RAD51B: variants seen among roughly 807,000 people sequenced by gnomAD.
RAD51B encodes the protein RAD51 paralog B.
A neutral mutation model predicts 42.2 loss-of-function variants in RAD51B; 38 were observed. The ratio of observed to expected loss-of-function variants is 0.90; its 90% CI spans 0.70 to 1.18. The LOEUF (loss-of-function observed/expected upper bound fraction) is 1.18. RAD51B is among the 50% of genes most tolerant of loss of function. The pLI is 0.00. For missense variants in RAD51B, 373 were observed against 400.7 expected (o/e 0.93, Z 0.59); for synonymous variants, 154 against 145.2 (o/e 1.06, Z -0.43).
chr14:67,897,651 C>CTT (rs869311369), intron 7 of RAD51B, among the ~76,000 whole-genome samples: 5 of 141,498 alleles, frequency 3.5e-5, no homozygotes, highest in Admixed American at 7.1e-5. Flanking sequence ...CCCTTGTTCA[C>CTT]TTTTTTTTTT....
chr14:68,334,221 C>CT (rs2082403050), intron 8 of RAD51B, among the ~76,000 whole-genome samples: 1 of 152,052 alleles, frequency 6.6e-6, no homozygotes, highest in Non-Finnish European at 1.5e-5. Context: ...TTCTCCAAAA[C>CT]TTTATTAGCC....
At chr14:67,854,498 G>A (rs1471458694) in intron 4 of RAD51B, among the ~76,000 whole-genome samples, 1 of 151,768 alleles carries the variant, frequency 6.6e-6, no homozygotes, top group East Asian at 1.9e-4. Flanking sequence ...GCTGGGTGTG[G>A]TGGCATGCGC....
chr14:68,459,045 G>A (rs2085775830), intron 9 of RAD51B, among the ~76,000 whole-genome samples: 1 of 152,196 alleles, frequency 6.6e-6, no homozygotes, highest in Admixed American at 6.5e-5. Context: ...ACTACAGACT[G>A]GGAGTTGGAC....
At chr14:68,537,739 C>T (rs553652613) in intron 10 of RAD51B, among the ~76,000 whole-genome samples, 1 of 152,238 alleles carries the variant, frequency 6.6e-6, no homozygotes, top group East Asian at 1.9e-4. Context: ...CACATATATG[C>T]TCCCTTTGAT....
intron 7 of RAD51B, among the ~76,000 whole-genome samples, chr14:68,256,986 A>G (rs1386379943): frequency 6.6e-6 from 1 of 152,246 alleles, no homozygotes; most frequent in African/African-American, 2.4e-5. Context: ...AAAGGAATAA[A>G]ATCTGTAATT....
At position 67,946,354 on chromosome 14, in the gene RAD51B, T is replaced by G. The variant is rs549505049; in HGVS notation, c.756+59150T>G. Among the ~76,000 whole-genome samples, 4 of 151,874 alleles carry G rather than the reference T, an allele frequency of 2.6e-5. No homozygotes were observed. In the East Asian group the frequency reaches 5.8e-4, roughly 22 times the overall value. ...CATCCCTGGTTAAAATAGTTCCTCT[T>G]TTTTGTTGTTGTTGTTGTTGTTGTT... is the stretch of plus-strand genomic sequence containing the variant. On this transcript the variant is annotated intron_variant, in intron 7 of 10. Transcript: ENST00000471583.
At chr14:68,386,789 G>C (rs1375647422) in intron 8 of RAD51B, among the ~76,000 whole-genome samples, 1 of 152,180 alleles carries the variant, frequency 6.6e-6, no homozygotes, top group East Asian at 1.9e-4. Context: ...GAAGGTGATT[G>C]TTTCTACCTC....
chr14:68,227,448 A>T (rs900439253), intron 7 of RAD51B, among the ~76,000 whole-genome samples: 4 of 152,240 alleles, frequency 2.6e-5, no homozygotes, highest in Admixed American at 2.0e-4. Flanking sequence ...GTGAAATGGC[A>T]GTAATACTGA....
At chr14:68,422,080 C>T (rs114385655) in intron 9 of RAD51B, 64 of 1,516,252 alleles carry the variant, frequency 4.2e-5, no homozygotes, top group Non-Finnish European at 5.0e-5. Context: ...CTCCAGTGCT[C>T]GGAGCACGAA....
intron 7 of RAD51B, among the ~76,000 whole-genome samples, chr14:68,102,309 G>C (rs945731502): frequency 7.2e-5 from 11 of 152,316 alleles, no homozygotes; most frequent in Admixed American, 2.0e-4. Context: ...TCTGTAGTCT[G>C]CTTGAATTTC....
intron 10 of RAD51B, among the ~76,000 whole-genome samples, chr14:68,524,349 T>C (rs973851686): frequency 1.1e-4 from 17 of 152,172 alleles, no homozygotes; most frequent in African/African-American, 4.1e-4. Flanking sequence ...AACTGAGAGA[T>C]GGCCAGAGAA....
At chr14:68,080,355 A>C (rs189792617) in intron 7 of RAD51B, among the ~76,000 whole-genome samples, 1 of 152,178 alleles carries the variant, frequency 6.6e-6, no homozygotes, top group African/African-American at 2.4e-5. Context: ...TTTTATTTAC[A>C]TTCTTTTCCT....
downstream of RAD51B, among the ~76,000 whole-genome samples, chr14:68,612,762 A>G (rs1364385531): frequency 6.6e-6 from 1 of 151,310 alleles, no homozygotes. Flanking sequence ...AAATGGTTAC[A>G]GTGATAAATT....
chr14:68,589,911 G>A (rs1890664309), intron 10 of RAD51B, among the ~76,000 whole-genome samples: 1 of 152,158 alleles, frequency 6.6e-6, no homozygotes, highest in South Asian at 2.1e-4. Context: ...GTCTGTGTTA[G>A]CTCACACAGA....
intron 10 of RAD51B, among the ~76,000 whole-genome samples, chr14:68,556,746 G>A (rs559347185): frequency 9.0e-4 from 137 of 152,266 alleles, no homozygotes; most frequent in African/African-American, 3.1e-3. Context: ...GCAAGACCAA[G>A]TGGAGGCCAT....
chr14:68,547,824 C>G (rs1888315968), intron 10 of RAD51B, among the ~76,000 whole-genome samples: 1 of 152,204 alleles, frequency 6.6e-6, no homozygotes, highest in East Asian at 1.9e-4. Context: ...CACTCTCCTC[C>G]AGAACGAAAG....
chr14:68,594,856 C>T (rs1890923593), exon 11 of RAD51B: 1 of 1,177,336 alleles, frequency 8.5e-7, no homozygotes, highest in African/African-American at 1.5e-5. Flanking sequence ...ACCAAATGTC[C>T]CAGGCACACA....
intron 8 of RAD51B, chr14:68,338,705 A>T: frequency 3.6e-6 from 1 of 276,340 alleles, no homozygotes; most frequent in Non-Finnish European, 7.1e-6. Flanking sequence ...ATTTTTATGG[A>T]CAGAAAACTC....
intron 7 of RAD51B, among the ~76,000 whole-genome samples, chr14:67,920,819 G>C (rs2044300074): frequency 6.6e-6 from 1 of 152,096 alleles, no homozygotes; most frequent in Non-Finnish European, 1.5e-5. Context: ...ATATAAACAA[G>C]TAGAGGTGGT....
Sources: gnomAD v4.1 joint callset for allele counts (sites outside exome capture counted in the v4.1 genomes callset) on GRCh38, gnomAD v4.1.1 for gene constraint, MANE v1.5 for transcripts, NCBI Gene and HGNC (gene_info 2026-07-23, HGNC 2026-07-21) for gene names.